Variants in BAZ2B observed in about 807,000 individuals in gnomAD.
BAZ2B encodes the protein bromodomain adjacent to zinc finger domain 2B, also known as bromodomain adjacent to zinc finger domain protein 2B.
Under a neutral mutation model 246.0 loss-of-function variants are expected in BAZ2B, and 91 were observed. That is an observed-to-expected ratio of 0.37 (90% CI 0.31 to 0.44). The LOEUF (loss-of-function observed/expected upper bound fraction) is 0.44. Among genes scored for constraint, BAZ2B ranks in the 20% least tolerant of loss-of-function variants. The pLI is 1.00. For missense variants in BAZ2B, 2,332 were observed against 2,533.7 expected (o/e 0.92, Z 1.71); for synonymous variants, 855 against 860.0 (o/e 0.99, Z 0.10).
At chr2:159,671,644 G>C in the BAZ2B span, among the ~76,000 whole-genome samples, 3 of 152,198 alleles carry the variant, frequency 2.0e-5, no homozygotes. Context: ...TTTCTGCTCA[G>C]GAATACTCAG....
intron 1 of BAZ2B, among the ~76,000 whole-genome samples, chr2:159,582,678 C>G (rs1422413813): frequency 6.6e-6 from 1 of 151,956 alleles, no homozygotes; most frequent in African/African-American, 2.4e-5. Flanking sequence ...AGCCACTGGG[C>G]CTGGATGTTC....
chr2:159,672,606 C>G, the BAZ2B span, among the ~76,000 whole-genome samples: 4 of 152,270 alleles, frequency 2.6e-5, no homozygotes, highest in East Asian at 7.7e-4. Context: ...GCAGCATCTA[C>G]TTTATTCTTT....
At chr2:159,339,828 A>C (rs1456604285) in intron 31 of BAZ2B, among the ~76,000 whole-genome samples, 1 of 152,132 alleles carries the variant, frequency 6.6e-6, no homozygotes, top group East Asian at 1.9e-4. Flanking sequence ...AGAAAGACAA[A>C]TTATTATATA....
chr2:159,640,229 G>T, the BAZ2B span, among the ~76,000 whole-genome samples: 2 of 152,068 alleles, frequency 1.3e-5, no homozygotes, highest in Non-Finnish European at 1.5e-5. Flanking sequence ...ACTAAAGAGA[G>T]AGATAGATTC....
intron 1 of BAZ2B, among the ~76,000 whole-genome samples, chr2:159,615,087 A>C (rs1369995447): frequency 6.6e-6 from 1 of 152,208 alleles, no homozygotes; most frequent in Non-Finnish European, 1.5e-5. Flanking sequence ...AACTCGGCCA[A>C]GGACTGCAGC....
chr2:159,623,046 AAAGAAAG>A, the BAZ2B span, among the ~76,000 whole-genome samples: 1 of 142,606 alleles, frequency 7.0e-6, no homozygotes, highest in Non-Finnish European at 1.5e-5. Flanking sequence ...AGAGGAAAGA[AAAGAAAG>A]GAAGAGGGAA....
intron 26 of BAZ2B, 22 bp downstream of exon 26, chr2:159,374,669 T>C (rs771718233): frequency 6.3e-7 from 1 of 1,592,872 alleles, no homozygotes; most frequent in Non-Finnish European, 8.6e-7. Context: ...AGAAGTTAAA[T>C]GTTAATCAGA....
chr2:159,423,964 C>G (rs1248277665), intron 13 of BAZ2B, among the ~76,000 whole-genome samples: 2 of 152,120 alleles, frequency 1.3e-5, no homozygotes, highest in Non-Finnish European at 2.9e-5. Flanking sequence ...TGATGCACAG[C>G]TTGCCCGCTT....
At chr2:159,603,693 A>C (rs548577469) in intron 1 of BAZ2B, among the ~76,000 whole-genome samples, 3 of 152,232 alleles carry the variant, frequency 2.0e-5, no homozygotes, top group South Asian at 4.1e-4. Context: ...CAAAACCCCA[A>C]AACTATTTAA....
intron 27 of BAZ2B, among the ~76,000 whole-genome samples, chr2:159,356,793 C>T (rs2059159561): frequency 6.6e-6 from 1 of 152,178 alleles, no homozygotes; most frequent in East Asian, 1.9e-4. Flanking sequence ...AGGCAGCAAT[C>T]TTTGCTGTTC....
At chr2:159,566,052 C>T (rs576819727) in intron 1 of BAZ2B, among the ~76,000 whole-genome samples, 6 of 152,204 alleles carry the variant, frequency 3.9e-5, no homozygotes, top group Admixed American at 3.9e-4. Flanking sequence ...GCTCTTGTTG[C>T]CCAGGCTGGA....
chr2:159,620,772 C>A (rs1696400701), upstream of BAZ2B, among the ~76,000 whole-genome samples: 1 of 151,936 alleles, frequency 6.6e-6, no homozygotes, highest in Non-Finnish European at 1.5e-5. Flanking sequence ...GATGTCATGA[C>A]CAAGATGAAG....
intron 1 of BAZ2B, among the ~76,000 whole-genome samples, chr2:159,612,031 T>C (rs570293891): frequency 3.4e-4 from 51 of 152,124 alleles, no homozygotes; most frequent in African/African-American, 1.2e-3. Flanking sequence ...ATCACACATT[T>C]TAGTATGATA....
rs756399468 is a variant in BAZ2B, at chr2:159,350,173, A to G, written c.4398T>C (p.Phe1466=). ...CTTCCAAAAGCTTGCTTAATTTGGA[A>G]AAAGAGCCAGGTTTCTGAAGGAATA... is the stretch of plus-strand genomic sequence containing the variant. ...TNLFLQKPGS[F]SKLSKLLEVA... Residue 1466 remains phenylalanine, a synonymous_variant, in exon 28 of 37, where the codon TTT becomes TTC. Coordinates refer to ENST00000392783, the MANE Select transcript of BAZ2B (RefSeq NM_013450.4). The G allele has an allele frequency of 5.6e-6, 9 of 1,613,994 alleles. No homozygotes were observed. Among genetic ancestry groups the G allele is most frequent in the African/African-American group, 1.3e-5 (1 of 74,946 alleles).
intron 3 of BAZ2B, among the ~76,000 whole-genome samples, chr2:159,476,654 C>A (rs2078593927): frequency 6.6e-6 from 1 of 152,060 alleles, no homozygotes; most frequent in Non-Finnish European, 1.5e-5. Context: ...CTATTGAAGC[C>A]TTCAAATAAG....
At chr2:159,471,090 G>C (rs2077727185) in intron 3 of BAZ2B, among the ~76,000 whole-genome samples, 3 of 152,070 alleles carry the variant, frequency 2.0e-5, no homozygotes, top group Admixed American at 6.6e-5. Flanking sequence ...TAGTATAATG[G>C]AAGCTAAAAG....
downstream of BAZ2B, among the ~76,000 whole-genome samples, chr2:159,315,699 C>A (rs2062041430): frequency 6.6e-6 from 1 of 152,076 alleles, no homozygotes; most frequent in South Asian, 2.1e-4. Context: ...AAAGATTAAC[C>A]CCGACACAAT....
chr2:159,550,086 C>G (rs1396621387), intron 2 of BAZ2B, among the ~76,000 whole-genome samples: 4 of 152,050 alleles, frequency 2.6e-5, no homozygotes, highest in Admixed American at 6.6e-5. Context: ...CCTGATCCAC[C>G]CACCTCAGCC....
the BAZ2B span, among the ~76,000 whole-genome samples, chr2:159,691,533 G>A: frequency 6.6e-6 from 1 of 152,124 alleles, no homozygotes; most frequent in African/African-American, 2.4e-5. Context: ...TATGTCATCT[G>A]TTTACAAGAT....
Sources: gnomAD v4.1 joint callset for allele counts (sites outside exome capture counted in the v4.1 genomes callset) on GRCh38, gnomAD v4.1.1 for gene constraint, MANE v1.5 for transcripts, NCBI Gene and HGNC (gene_info 2026-07-23, HGNC 2026-07-21) for gene names.